The following GMDS variants were observed in gnomAD, a reference collection of about 807,000 sequenced individuals.
The protein encoded by GMDS is GDP-mannose 4,6-dehydratase, also known as GDP-mannose 4,6 dehydratase.
In GMDS, 20 loss-of-function variants were observed where a neutral mutation model predicts 49.9. The ratio of observed to expected loss-of-function variants is 0.40; its 90% CI spans 0.28 to 0.58. The LOEUF (loss-of-function observed/expected upper bound fraction) is 0.58, where lower values mean the gene tolerates loss of function less well. Ranked by LOEUF, GMDS falls within the 20% of genes least tolerant of loss-of-function variation. The probability of loss-of-function intolerance (pLI) is 0.42; values close to 1 mark genes in which losing one functional copy is unlikely to be tolerated. For synonymous variants in GMDS, 177 were observed against 178.6 expected, an observed-to-expected ratio of 0.99 and a Z score of 0.07; for missense variants, 362 against 481.4, an observed-to-expected ratio of 0.75 and a Z score of 2.32.
At chr6:2,228,539 A>T (rs917907764) in intron 1 of GMDS, among the ~76,000 whole-genome samples, 1 of 152,138 alleles carries the variant, frequency 6.6e-6, no homozygotes, top group Non-Finnish European at 1.5e-5. Context: ...CTTCCACCTA[A>T]GCTTGGTGAG....
At chr6:2,211,276 C>T (rs1393787597) in intron 1 of GMDS, among the ~76,000 whole-genome samples, 4 of 152,102 alleles carry the variant, frequency 2.6e-5, no homozygotes, top group African/African-American at 9.7e-5. Context: ...TTACTAACGC[C>T]CCTTACACAC....
intron 1 of GMDS, among the ~76,000 whole-genome samples, chr6:2,224,372 T>C (rs1330841624): frequency 6.6e-6 from 1 of 152,224 alleles, no homozygotes; most frequent in Non-Finnish European, 1.5e-5. Flanking sequence ...TGCAGAACAC[T>C]GACCACAGGG....
intron 7 of GMDS, among the ~76,000 whole-genome samples, chr6:1,810,148 G>C (rs1049834222): frequency 6.6e-6 from 1 of 152,146 alleles, no homozygotes; most frequent in Non-Finnish European, 1.5e-5. Flanking sequence ...TTCCAGAGGA[G>C]AGGGAGCTGG....
At chr6:2,104,683 A>T (rs950694010) in intron 4 of GMDS, among the ~76,000 whole-genome samples, 18 of 152,318 alleles carry the variant, frequency 1.2e-4, no homozygotes, top group African/African-American at 4.1e-4. Context: ...CTGAAGTTAC[A>T]TTATTTAACA....
intron 7 of GMDS, among the ~76,000 whole-genome samples, chr6:1,900,636 C>T (rs1760453757): frequency 6.6e-6 from 1 of 152,170 alleles, no homozygotes; most frequent in Non-Finnish European, 1.5e-5. Context: ...TGGCCAACTT[C>T]TACTAATCTT....
At chr6:2,188,899 G>A (rs1346149585) in intron 1 of GMDS, among the ~76,000 whole-genome samples, 1 of 152,118 alleles carries the variant, frequency 6.6e-6, no homozygotes, top group African/African-American at 2.4e-5. Context: ...AGCAGGGTAA[G>A]GTAAGAGAAC....
At chr6:1,668,075 G>C (rs1764291811) in intron 9 of GMDS, among the ~76,000 whole-genome samples, 1 of 152,170 alleles carries the variant, frequency 6.6e-6, no homozygotes, top group African/African-American at 2.4e-5. Context: ...ATAAAACTTA[G>C]ATGTTCTATA....
At chr6:1,714,929 C>T (rs528358755) in intron 9 of GMDS, among the ~76,000 whole-genome samples, 2 of 152,328 alleles carry the variant, frequency 1.3e-5, no homozygotes, top group South Asian at 2.1e-4. Flanking sequence ...ATCACCAGGT[C>T]TTCCTGTGGA....
At chr6:2,144,403 A>G (rs1006988538) in intron 1 of GMDS, among the ~76,000 whole-genome samples, 12 of 152,178 alleles carry the variant, frequency 7.9e-5, no homozygotes, top group Non-Finnish European at 1.8e-4. Context: ...GGAGGAGAGA[A>G]CTAGGCCACA....
intron 4 of GMDS, among the ~76,000 whole-genome samples, chr6:2,016,258 CAA>C (rs747956143): frequency 1.1e-4 from 12 of 105,492 alleles, no homozygotes; most frequent in Admixed American, 3.0e-4. Flanking sequence ...GGCTCGGTCT[CAA>C]AAAAAAAAAA....
chr6:1,930,922 C>T (rs1194353015), intron 6 of GMDS: 1 of 152,136 alleles, frequency 6.6e-6, no homozygotes, highest in Non-Finnish European at 1.5e-5. Flanking sequence ...GAAAGGGCTC[C>T]TAAATTTTGT....
chr6:2,240,067 G>A (rs1239681944), intron 1 of GMDS, among the ~76,000 whole-genome samples: 1 of 152,176 alleles, frequency 6.6e-6, no homozygotes. Flanking sequence ...GGAAGTCACT[G>A]CCTACAATCC....
intron 7 of GMDS, among the ~76,000 whole-genome samples, chr6:1,829,178 A>C (rs1771249098): frequency 6.6e-6 from 1 of 152,210 alleles, no homozygotes; most frequent in Non-Finnish European, 1.5e-5. Context: ...CAGGAGTGGC[A>C]GAAGTGGAAG....
intron 6 of GMDS, 35 bp from the exon 7 acceptor site, chr6:1,930,265 T>C: frequency 1.3e-6 from 2 of 1,593,600 alleles, no homozygotes; most frequent in Non-Finnish European, 1.7e-6. Flanking sequence ...ATCAGTCAAG[T>C]GCACTTGACA....
intron 7 of GMDS, among the ~76,000 whole-genome samples, chr6:1,914,127 G>GTTTTTTTTTTTTTTTTTTTTTTT (rs1225983780): frequency 2.0e-5 from 1 of 50,024 alleles, no homozygotes; most frequent in Non-Finnish European, 3.8e-5. Flanking sequence ...AGCGTTTTTT[G>GTTTTTTTTTTTTTTTTTTTTTTT]TTTGTTTTTT....
chr6:1,624,669 G>T, intron 9 of GMDS, 129 bp from the exon 10 acceptor site: 1 of 661,748 alleles, frequency 1.5e-6, no homozygotes, highest in Non-Finnish European at 2.7e-6. Context: ...CCCTGCTTTC[G>T]GTCCCTGCTG....
intron 1 of GMDS, among the ~76,000 whole-genome samples, chr6:2,244,025 C>T (rs1179840418): frequency 6.6e-6 from 1 of 151,524 alleles, no homozygotes; most frequent in Non-Finnish European, 1.5e-5. Context: ...AACATGCCTG[C>T]CTCATTTTTT....
chr6:2,047,526 GC>G (rs1043746249), intron 4 of GMDS, among the ~76,000 whole-genome samples: 1 of 151,938 alleles, frequency 6.6e-6, no homozygotes, highest in Non-Finnish European at 1.5e-5. Flanking sequence ...CGCTCTTGTT[GC>G]CCAGGCTGGG....
At chr6:1,641,720 C>T (rs1763337626) in intron 9 of GMDS, among the ~76,000 whole-genome samples, 1 of 152,132 alleles carries the variant, frequency 6.6e-6, no homozygotes, top group African/African-American at 2.4e-5. Context: ...CTCTCTCTCT[C>T]TCTCTCTCTC....
Sources: gnomAD v4.1 joint callset for allele counts (sites outside exome capture counted in the v4.1 genomes callset) on GRCh38, gnomAD v4.1.1 for gene constraint, MANE v1.5 for transcripts, NCBI Gene and HGNC (gene_info 2026-07-23, HGNC 2026-07-21) for gene names.